Variants in PAMR1 observed in about 807,000 individuals in gnomAD.
PAMR1 encodes inactive serine protease PAMR1.
Under a neutral mutation model 81.8 loss-of-function variants are expected in PAMR1, and 88 were observed. The ratio of observed to expected loss-of-function variants is 1.08; its 90% CI spans 0.91 to 1.28. The LOEUF is 1.28. Among genes scored for constraint, PAMR1 ranks in the 50% most tolerant of loss-of-function variants. PAMR1 has a pLI of 0.00. For missense variants in PAMR1, 935 were observed against 919.7 expected, an observed-to-expected ratio of 1.02 and a Z score of -0.21; for synonymous variants, 336 against 345.3, an observed-to-expected ratio of 0.97 and a Z score of 0.30.
chr11:35,434,904 T>C, intron 9 of PAMR1, 100 bp from the exon 10 acceptor site: 1 of 1,163,262 alleles, frequency 8.6e-7, no homozygotes, highest in East Asian at 2.4e-5. Context: ...AAAGGTGAAC[T>C]GTATGGGCAT....
chr11:35,494,662 A>G (rs1229240925), intron 1 of PAMR1, among the ~76,000 whole-genome samples: 1 of 152,148 alleles, frequency 6.6e-6, no homozygotes, highest in Non-Finnish European at 1.5e-5. Flanking sequence ...TAAGTACTCT[A>G]CTGCTAAGAG....
At chr11:35,468,150 G>T in intron 5 of PAMR1, 42 bp from the exon 6 acceptor site, 1 of 1,261,330 alleles carries the variant, frequency 7.9e-7, no homozygotes, top group South Asian at 1.3e-5. Flanking sequence ...TATACATTGA[G>T]TCGATGTCTT....
intron 3 of PAMR1, among the ~76,000 whole-genome samples, chr11:35,482,092 C>T (rs571299311): frequency 3.9e-5 from 6 of 152,206 alleles, no homozygotes; most frequent in Admixed American, 6.5e-5. Context: ...TTGGCATTTT[C>T]GTCATTAAGT....
chr11:35,488,669 CTTTTTTTTTT>C (rs34053329), intron 3 of PAMR1, among the ~76,000 whole-genome samples: 32 of 42,940 alleles, frequency 7.5e-4, no homozygotes, highest in African/African-American at 2.6e-3. Context: ...CAAATCTTGC[CTTTTTTTTTT>C]TTTTTTTTTT....
chr11:35,530,133 C>T (rs1348925014), upstream of PAMR1: 1 of 152,226 alleles, frequency 6.6e-6, no homozygotes, highest in African/African-American at 2.4e-5. Context: ...AAGAGGCATC[C>T]CAGACTTCTG....
chr11:35,460,954 C>A (rs1045956176), intron 6 of PAMR1, among the ~76,000 whole-genome samples: 2 of 152,206 alleles, frequency 1.3e-5, no homozygotes, highest in African/African-American at 4.8e-5. Context: ...TCCTATTTCT[C>A]CACATCCTCT....
chr11:35,493,252 G>GA (rs1164377112), intron 2 of PAMR1, among the ~76,000 whole-genome samples: 8 of 152,096 alleles, frequency 5.3e-5, no homozygotes, highest in African/African-American at 1.9e-4. Context: ...CAGCTAAAGA[G>GA]AAAAATCTGC....
chr11:35,492,456 T>C (rs1850648639), intron 2 of PAMR1, among the ~76,000 whole-genome samples: 1 of 152,210 alleles, frequency 6.6e-6, no homozygotes, highest in Non-Finnish European at 1.5e-5. Context: ...CAGAAGAATC[T>C]ATCAATATAG....
Position 35,476,463 on chromosome 11 carries a change from G to A in PAMR1, c.380-1719C>T, listed in dbSNP as rs567142747. Among the ~76,000 whole-genome samples the A allele has an allele frequency of 1.1e-4, 17 of 152,146 alleles. No individual in the cohort carries two copies. The East Asian group carries it at 2.3e-3, about 21-fold the overall frequency. On this transcript the variant is annotated intron_variant, in intron 3 of 10. Transcript: ENST00000619888. ...GTTTTATAAGGGGTTTTCCACCTTCGCTTGGCACTTCTCTCTCCTGCTGCC... is the reference window on the plus strand; with the variant it reads ...GTTTTATAAGGGGTTTTCCACCTTCACTTGGCACTTCTCTCTCCTGCTGCC...
intron 3 of PAMR1, among the ~76,000 whole-genome samples, chr11:35,485,790 G>A (rs1227323448): frequency 2.9e-5 from 2 of 68,060 alleles, no homozygotes; most frequent in Non-Finnish European, 5.6e-5. Context: ...GGCTCTGTAT[G>A]GTACTCAGGA....
At chr11:35,489,961 C>T (rs957033179) in intron 3 of PAMR1, among the ~76,000 whole-genome samples, 2 of 152,218 alleles carry the variant, frequency 1.3e-5, no homozygotes, top group Non-Finnish European at 2.9e-5. Flanking sequence ...TGTTCCCACA[C>T]TGCTAAGAAA....
At chr11:35,470,883 T>C in intron 4 of PAMR1, 65 bp from the exon 5 acceptor site, 1 of 1,122,390 alleles carries the variant, frequency 8.9e-7, no homozygotes. Flanking sequence ...ACCGCTGGGC[T>C]CATTCAAGGC....
intron 8 of PAMR1, among the ~76,000 whole-genome samples, chr11:35,438,424 T>C (rs1409906962): frequency 6.6e-6 from 1 of 152,042 alleles, no homozygotes; most frequent in East Asian, 1.9e-4. Context: ...CTTGAAACAA[T>C]CCCCAGAGAC....
chr11:35,490,392 A>C (rs1850597954), intron 3 of PAMR1, among the ~76,000 whole-genome samples: 1 of 152,204 alleles, frequency 6.6e-6, no homozygotes, highest in Admixed American at 6.5e-5. Flanking sequence ...ATATGACCCA[A>C]AGCAGGGAAA....
chr11:35,449,580 A>G (rs1183159966), intron 6 of PAMR1, among the ~76,000 whole-genome samples: 2 of 152,118 alleles, frequency 1.3e-5, no homozygotes, highest in Non-Finnish European at 2.9e-5. Context: ...GCAGGGGAAA[A>G]TGGCCAACTG....
chr11:35,472,085 G>C (rs143137865), intron 4 of PAMR1, among the ~76,000 whole-genome samples: 1 of 152,162 alleles, frequency 6.6e-6, no homozygotes, highest in African/African-American at 2.4e-5. Flanking sequence ...CTTCACAAAG[G>C]GTTGATCACA....
Position 35,450,258 on chromosome 11 carries a change from G to A in PAMR1, c.821-8565C>T, listed in dbSNP as rs536681423. Among the ~76,000 whole-genome samples, 118 of 151,606 alleles carry A rather than the reference G, an allele frequency of 7.8e-4. 1 individual carries two copies. The highest frequency in any genetic ancestry group is 1.3e-3 in the Non-Finnish European group (91 of 67,972). ...GGCTGCAACAATTAGCCAAATCACC[G>A]GTTTGTCCACTCTAAGACCGTCCAT... On this transcript the variant is annotated intron_variant, in intron 6 of 10. Transcript: ENST00000619888.
rs565228171 is a variant in PAMR1, at chr11:35,515,887, T to A, written c.73+9626A>T. On this transcript the variant is annotated intron_variant, in intron 1 of 10. Coordinates refer to ENST00000619888, the MANE Select transcript of PAMR1 (RefSeq NM_001001991.3). ...GAGTCACAGATGAATAGAATGGGAC[T>A]TTGGCCTGAAAAAGGGAGCCTCAAG... Among the ~76,000 whole-genome samples the A allele has an allele frequency of 2.0e-5, 3 of 152,164 alleles. No individual in the cohort carries two copies. In the South Asian group the frequency reaches 6.2e-4, roughly 32 times the overall value.
intron 1 of PAMR1, among the ~76,000 whole-genome samples, chr11:35,503,283 CTT>C (rs35661071): frequency 1.9e-4 from 27 of 139,762 alleles, no homozygotes; most frequent in South Asian, 1.1e-3. Context: ...ATGTCTCCAG[CTT>C]TTTTTTTTTT....
Sources: allele counts gnomAD v4.1 joint callset (sites outside exome capture counted in the v4.1 genomes callset), GRCh38; gene constraint gnomAD v4.1.1; transcripts MANE v1.5; gene names NCBI Gene and HGNC (gene_info 2026-07-23, HGNC 2026-07-21).